COG8: variants seen among roughly 807,000 people sequenced by gnomAD.
COG8 encodes the protein component of oligomeric golgi complex 8.
In COG8, 45 loss-of-function variants were observed where a neutral mutation model predicts 46.5. That is an observed-to-expected ratio of 0.97 (90% confidence interval 0.76 to 1.24). COG8 has a LOEUF of 1.24. COG8 is among the 50% of genes most tolerant of loss of function. COG8 has a pLI of 0.00. For synonymous variants in COG8, 407 were observed against 347.8 expected (o/e 1.17, Z -1.90); for missense variants, 793 against 820.8 (o/e 0.97, Z 0.41).
In COG8 at chr16:69,330,146, A is replaced by G. The variant is rs370832882; in HGVS notation, c.*26+667T>C. On this transcript the variant is annotated intron_variant, in intron 5 of 5. Transcript: ENST00000306875. Reference sequence around the variant, plus strand: ...CAGGGGGAAGGGCTCCATTTGGCGGAGCGCGCGCTGGCGGGGCGGGCACTC... The same window carrying G: ...CAGGGGGAAGGGCTCCATTTGGCGGGGCGCGCGCTGGCGGGGCGGGCACTC... 1.0e-5 allele frequency: 16 copies of G among 1,553,844 alleles called. No homozygotes were observed. The highest frequency in any genetic ancestry group is 2.9e-5 in the African/African-American group (2 of 70,094).
chr16:69,333,216 T>A (rs1302596762), intron 3 of COG8, among the ~76,000 whole-genome samples: 1 of 151,238 alleles, frequency 6.6e-6, no homozygotes, highest in Non-Finnish European at 1.5e-5. Context: ...TCACCTAAGC[T>A]GGAGTGTAGC....
At position 69,326,866 on chromosome 16, in the gene COG8, T is replaced by C. The variant is rs746001343; in HGVS notation, c.*2340A>G. On this transcript the variant is annotated 3_prime_UTR_variant, in exon 6 of 6. Coordinates refer to ENST00000306875, the MANE Select transcript of COG8 (RefSeq NM_032382.5). ...TCACAACGTTGACATGTATATGCGT[T>C]TTTTGTGAGTGCTTCCTGCTCAAAG... 2.0e-5 allele frequency: 3 copies of C among 152,214 alleles called. No homozygotes were observed. The highest frequency in any genetic ancestry group is 6.5e-5 in the Admixed American group (1 of 15,282). The allele number at this position is 152,214 out of a possible 1,614,324, so 9.4% of individuals were successfully genotyped here.
chr16:69,333,227 G>A (rs1258807941), intron 3 of COG8, among the ~76,000 whole-genome samples: 3 of 150,536 alleles, frequency 2.0e-5, no homozygotes, highest in East Asian at 3.9e-4. Context: ...GGAGTGTAGC[G>A]GCACAATCAG....
chr16:69,330,502 T>TGCCGC lies in COG8; in HGVS notation c.*26+306_*26+310dup, dbSNP rs765380108. ...AGCTGCAAGCCCGGACACCGACGGC[T>TGCCGC]GCCGCCCCGCCCCACGGCACGGCCG... On this transcript the variant is annotated intron_variant, in intron 5 of 5. Transcript: ENST00000306875. 2.1e-5 allele frequency: 31 copies of TGCCGC among 1,472,596 alleles called. No homozygotes were observed. In the South Asian group the frequency reaches 3.7e-4, roughly 18 times the overall value. The allele number at this position is 1,472,596 out of a possible 1,614,324, so 91.2% of individuals were successfully genotyped here.
At position 69,339,290 on chromosome 16, in the gene COG8, T is replaced by C. The variant is rs2012395138; in HGVS notation, c.263A>G (p.Lys88Arg). Residue 88 changes from lysine to arginine, a missense_variant, in exon 1 of 6, where the codon AAG becomes AGG. Lys to Arg is a conservative substitution (Grantham distance 26, BLOSUM62 2). Coordinates refer to ENST00000306875, the MANE Select transcript of COG8 (RefSeq NM_032382.5). ...QTRDLAFANY[K>R]TFIRGAECTE... is the part of the protein sequence containing the mutation. ...GCACTCGGCGCCGCGGATGAAGGTCTTGTAGTTAGCGAAGGCCAAGTCGCG... is the reference window on the plus strand; with the variant it reads ...GCACTCGGCGCCGCGGATGAAGGTCCTGTAGTTAGCGAAGGCCAAGTCGCG... The C allele has an allele frequency of 1.2e-5, 19 of 1,612,324 alleles. No homozygotes were observed. The highest frequency in any genetic ancestry group is 1.5e-5 in the Non-Finnish European group (18 of 1,179,676).
At chr16:69,330,339 C>T (rs1295375275) in intron 5 of COG8, 3 of 1,460,116 alleles carry the variant, frequency 2.1e-6, no homozygotes, top group Non-Finnish European at 1.8e-6. Context: ...GGGGCCGCCA[C>T]GCCGCGCAGC....
Position 69,330,842 on chromosome 16 carries a change from G to A in COG8, c.1836C>T (p.Pro612=), listed in dbSNP as rs771133753. The change falls in exon 5 of 6, where the codon CCC becomes CCT. Residue 612 remains proline (P), a synonymous_variant. Transcript: ENST00000306875. The stretch of plus-strand genomic sequence containing the variant: ...TTCTGGAGGCAGGGGACGCCGGCTA[G>A]GGCCCCACGCTGGGCGGTTCGGCCT... ...ETQAEPPSVG[P] is the part of the protein sequence containing the mutation. 1 of 1,537,692 alleles carries A rather than the reference G, an allele frequency of 6.5e-7. No individual in the cohort carries two copies. Among genetic ancestry groups the A allele is most frequent in the South Asian group, 1.2e-5 (1 of 83,682 alleles).
In COG8 at chr16:69,329,049, G is replaced by A. The variant is rs1465408664; in HGVS notation, c.*157C>T. 1.9e-6 allele frequency: 3 copies of A among 1,610,904 alleles called. No homozygotes were observed. The highest frequency in any genetic ancestry group is 2.5e-6 in the Non-Finnish European group (3 of 1,179,072). The stretch of plus-strand genomic sequence containing the variant: ...AGTCATTCACCTTCATCCAATAGAC[G>A]TTTGTGAACGTCCTGCTGTCCATTT... On this transcript the variant is annotated 3_prime_UTR_variant, in exon 6 of 6. Transcript: ENST00000306875.
chr16:69,332,132 T>C (rs2011903861), intron 4 of COG8, among the ~76,000 whole-genome samples: 1 of 152,102 alleles, frequency 6.6e-6, no homozygotes, highest in African/African-American at 2.4e-5. Context: ...GGTGGGCGGA[T>C]CACAGGTCAA....
At chr16:69,330,756 C>T (rs2011754608) in intron 5 of COG8, 57 bp downstream of exon 5, 2 of 1,456,310 alleles carry the variant, frequency 1.4e-6, no homozygotes, top group Non-Finnish European at 9.0e-7. Context: ...CCGAACCCGC[C>T]CCGGACCTTC....
At position 69,339,396 on chromosome 16, in the gene COG8, A is replaced by G. The variant is rs1316862034; in HGVS notation, c.157T>C (p.Leu53=). 5 of 1,585,874 alleles carry G rather than the reference A, an allele frequency of 3.2e-6. No individual in the cohort carries two copies. The highest frequency in any genetic ancestry group is 4.3e-6 in the Non-Finnish European group (5 of 1,170,372). ...AGCCGCTCCAGCCCCGAGCCGCTCA[A>G]CTCCCGGAGGTAGCGGCCCACATCG... is the stretch of plus-strand genomic sequence containing the variant. The part of the protein sequence containing the change: ...RPDVGRYLRE[L]SGSGLERLRR... Residue 53 remains leucine (L), a synonymous_variant, in exon 1 of 6, where the codon TTG becomes CTG. Coordinates refer to ENST00000306875, the MANE Select transcript of COG8 (RefSeq NM_032382.5).
intron 3 of COG8, among the ~76,000 whole-genome samples, chr16:69,333,648 T>C (rs539715639): frequency 3.3e-5 from 5 of 152,338 alleles, no homozygotes; most frequent in African/African-American, 1.2e-4. Context: ...GCAGCCTAGC[T>C]GACACTACAG....
chr16:69,329,906 G>C, intron 5 of COG8: 1 of 1,388,460 alleles, frequency 7.2e-7, no homozygotes, highest in Non-Finnish European at 9.4e-7. Flanking sequence ...GAGGTCCGGC[G>C]TATGAACCGC....
rs747998922 is a variant in COG8, at chr16:69,335,050, T to A, written c.884A>T (p.Asp295Val). ...GGCAGGGGGCAGCAGTGGGTCCTCG[T>A]CTGAGAAGATGGCACGGTACTGGGT... ...IITQYRAIFS[D>V]EDPLLPPAMG... Residue 295 changes from aspartate to valine, a missense_variant, in exon 3 of 6, where the codon GAC (aspartate) becomes GTC (valine). Transcript: ENST00000306875. 5 of 1,614,022 alleles carry A rather than the reference T, an allele frequency of 3.1e-6. No homozygotes were observed. In the Admixed American group the frequency reaches 6.7e-5, roughly 22 times the overall value.
At chr16:69,333,165 G>GGTTTTTTTTTTTTTTTTTTTTTTTTTT (rs2011991387) in intron 3 of COG8, among the ~76,000 whole-genome samples, 1 of 144,272 alleles carries the variant, frequency 6.9e-6, no homozygotes, top group Non-Finnish European at 1.5e-5. Flanking sequence ...ACATGGTTTT[G>GGTTTTTTTTTTTTTTTTTTTTTTTTTT]GTTTTTTTTT....
chr16:69,329,290 C>T, intron 5 of COG8, 111 bp from the exon 6 acceptor site: 2 of 1,170,140 alleles, frequency 1.7e-6, no homozygotes, highest in Non-Finnish European at 2.3e-6. Flanking sequence ...GAGGCAACAG[C>T]AGATGGCAAA....
rs1443676016 is a variant in COG8 at position 69,327,586 on chromosome 16, T to A, written c.*1620A>T. 6.6e-6 allele frequency: 1 copy of A among 152,060 alleles called. No homozygotes were observed. The highest frequency in any genetic ancestry group is 2.4e-5 in the African/African-American group (1 of 41,374). 9.4% of individuals were successfully genotyped at this position (152,060 alleles called of 1,614,324 possible). A position where few individuals can be genotyped will look rare whatever the true frequency, so the allele number is the denominator to read the frequency against. Reference sequence around the variant, plus strand: ...CTTTCCTGGGTTCATTTAACTGCCATTTATAACACTTTTTCCTCTAAACAG... The same window carrying A: ...CTTTCCTGGGTTCATTTAACTGCCAATTATAACACTTTTTCCTCTAAACAG... On this transcript the variant is annotated 3_prime_UTR_variant, in exon 6 of 6. Coordinates refer to ENST00000306875, the MANE Select transcript of COG8 (RefSeq NM_032382.5).
intron 3 of COG8, among the ~76,000 whole-genome samples, chr16:69,333,388 G>C (rs1412185548): frequency 6.6e-6 from 1 of 151,996 alleles, no homozygotes; most frequent in Non-Finnish European, 1.5e-5. Flanking sequence ...GGCTGGTCTG[G>C]AGCCCCTGGC....
chr16:69,339,422 G>C lies in COG8; in HGVS notation c.131C>G (p.Pro44Arg). ...RFPEAQWRER[P>R]DVGRYLRELS... ...CTCCCGGAGGTAGCGGCCCACATCG[G>C]GCCGCTCGCGCCACTGGGCCTCGGG... The change falls in exon 1 of 6, where the codon CCC (proline) becomes CGC (arginine). Residue 44 changes from proline to arginine, a missense_variant. Transcript: ENST00000306875. The C allele has an allele frequency of 1.3e-6, 2 of 1,583,690 alleles. No individual in the cohort carries two copies. Among genetic ancestry groups the C allele is most frequent in the Non-Finnish European group, 1.7e-6 (2 of 1,170,398 alleles).
Sources: allele counts gnomAD v4.1 joint callset (sites outside exome capture counted in the v4.1 genomes callset), GRCh38; gene constraint gnomAD v4.1.1; transcripts MANE v1.5; gene names NCBI Gene and HGNC (gene_info 2026-07-23, HGNC 2026-07-21).